LARP4B: variants seen among roughly 807,000 people sequenced by gnomAD.
LARP4B encodes the protein La ribonucleoprotein 4B, also known as la-related protein 4B.
In LARP4B, 12 loss-of-function variants were observed where a neutral mutation model predicts 89.8. The observed-to-expected ratio is 0.13, with a 90% CI of 0.09 to 0.22. The LOEUF is 0.22. Among genes scored for constraint, LARP4B ranks in the 10% least tolerant of loss-of-function variants. The pLI, the probability that LARP4B is intolerant of heterozygous loss-of-function variation, is 1.00. For missense variants in LARP4B, 757 were observed against 947.7 expected (o/e 0.80, Z 2.64); for synonymous variants, 367 against 363.3 (o/e 1.01, Z -0.12).
At chr10:900,342 A>G (rs2131983950) in intron 1 of LARP4B, among the ~76,000 whole-genome samples, 1 of 151,052 alleles carries the variant, frequency 6.6e-6, no homozygotes, top group East Asian at 2.0e-4. Context: ...ACAAAACTCC[A>G]TCTCAAAAAA....
chr10:833,663 G>A (rs1833047163), intron 8 of LARP4B, among the ~76,000 whole-genome samples: 1 of 152,136 alleles, frequency 6.6e-6, no homozygotes, highest in South Asian at 2.1e-4. Flanking sequence ...AGGCCGAGGA[G>A]GACGGATCAC....
At chr10:816,806 C>T (rs1000074796) in intron 15 of LARP4B, among the ~76,000 whole-genome samples, 7 of 152,236 alleles carry the variant, frequency 4.6e-5, no homozygotes, top group African/African-American at 1.7e-4. Context: ...ACCTGGCTTT[C>T]ATTGTAAAGA....
chr10:820,954 C>A, intron 13 of LARP4B, 109 bp from the exon 14 acceptor site: 1 of 903,062 alleles, frequency 1.1e-6, no homozygotes, highest in South Asian at 1.6e-5. Context: ...CAGTCTTTAT[C>A]ACTTTGAAAC....
At chr10:892,118 G>T (rs913871030) in intron 1 of LARP4B, among the ~76,000 whole-genome samples, 2 of 152,200 alleles carry the variant, frequency 1.3e-5, no homozygotes, top group Non-Finnish European at 2.9e-5. Context: ...CCACACAGCC[G>T]ACCAAGGAGT....
chr10:820,362 G>T (rs1832289838), intron 14 of LARP4B: 1 of 164,332 alleles, frequency 6.1e-6, no homozygotes. Context: ...TACACAGTGG[G>T]AGAGTATTCG....
upstream of LARP4B, among the ~76,000 whole-genome samples, chr10:935,894 GT>G (rs545562138): frequency 8.0e-4 from 115 of 142,966 alleles, no homozygotes; most frequent in East Asian, 0.014. Context: ...AATTTTTGTT[GT>G]TTTTTTTTTT....
At chr10:884,552 G>A in intron 2 of LARP4B, 46 bp from the exon 3 acceptor site, 1 of 1,286,882 alleles carries the variant, frequency 7.8e-7, no homozygotes, top group Non-Finnish European at 1.1e-6. Context: ...TGTTTAAAAA[G>A]AAACAACATA....
chr10:900,634 T>C (rs1320999837), intron 1 of LARP4B, among the ~76,000 whole-genome samples: 1 of 149,596 alleles, frequency 6.7e-6, no homozygotes, highest in African/African-American at 2.4e-5. Context: ...TTTTTTTTTT[T>C]TGTGAGAAGC....
chr10:921,129 C>T (rs1442497872), intron 1 of LARP4B, among the ~76,000 whole-genome samples: 1 of 151,964 alleles, frequency 6.6e-6, no homozygotes, highest in Non-Finnish European at 1.5e-5. Context: ...CAAAACTAGC[C>T]AGGCGTGGTG....
intron 1 of LARP4B, among the ~76,000 whole-genome samples, chr10:916,078 T>C (rs1836812851): frequency 6.6e-6 from 1 of 152,192 alleles, no homozygotes; most frequent in African/African-American, 2.4e-5. Flanking sequence ...CTTTGTCAAA[T>C]AAGAAATGGT....
the LARP4B span, among the ~76,000 whole-genome samples, chr10:939,436 C>T: frequency 6.6e-6 from 1 of 152,194 alleles, no homozygotes; most frequent in Non-Finnish European, 1.5e-5. Flanking sequence ...TTTGCAGAAG[C>T]CCACATTAAA....
chr10:909,998 G>A (rs1836623197), intron 1 of LARP4B, among the ~76,000 whole-genome samples: 2 of 152,130 alleles, frequency 1.3e-5, no homozygotes, highest in Admixed American at 1.3e-4. Flanking sequence ...AGCTATGTGA[G>A]GTATGCAGGC....
rs148335762 is a variant in LARP4B at position 885,829 on chromosome 10, A to G, written c.-39-69T>C. ...AGTATGATTATTTAAATAAAATTAA[A>G]ATCCTCAAGTTTTCCAGGACACACG... On this transcript the variant is annotated intron_variant, in intron 1 of 17. Coordinates refer to ENST00000316157, the MANE Select transcript of LARP4B (RefSeq NM_015155.3). The G allele has an allele frequency of 3.8e-5, 30 of 783,082 alleles. No individual in the cohort carries two copies. The Middle Eastern group carries it at 8.9e-4, about 23-fold the overall frequency. The allele number at this position is 783,082 out of a possible 1,614,324, so 48.5% of individuals were successfully genotyped here.
intron 3 of LARP4B, among the ~76,000 whole-genome samples, chr10:874,966 T>C (rs552535678): frequency 6.6e-6 from 1 of 152,178 alleles, no homozygotes; most frequent in Admixed American, 6.5e-5. Flanking sequence ...ACCCCCAAGG[T>C]AGATACTACT....
intron 3 of LARP4B, among the ~76,000 whole-genome samples, chr10:864,900 C>T (rs1035915513): frequency 6.6e-6 from 1 of 152,182 alleles, no homozygotes; most frequent in Non-Finnish European, 1.5e-5. Context: ...TTGCAGTAAG[C>T]TGAGATCGCA....
At chr10:840,200 A>G (rs964004825) in intron 7 of LARP4B, among the ~76,000 whole-genome samples, 4 of 152,094 alleles carry the variant, frequency 2.6e-5, no homozygotes, top group Non-Finnish European at 5.9e-5. Flanking sequence ...ATATGTTAAA[A>G]CTTACGAAAT....
At chr10:862,256 TAAAAAAAAAAAA>T (rs10661482) in intron 5 of LARP4B, among the ~76,000 whole-genome samples, 3 of 84,396 alleles carry the variant, frequency 3.6e-5, no homozygotes, top group Non-Finnish European at 6.4e-5. Context: ...CCACTGAAGT[TAAAAAAAAAAAA>T]AAAAAAAAAA....
intron 8 of LARP4B, among the ~76,000 whole-genome samples, chr10:835,952 C>T (rs900787616): frequency 6.6e-6 from 1 of 151,618 alleles, no homozygotes; most frequent in East Asian, 1.9e-4. Context: ...AAAAAAATTA[C>T]TCCCCAAGTT....
At chr10:974,214 G>T in the LARP4B span, among the ~76,000 whole-genome samples, 13 of 152,128 alleles carry the variant, frequency 8.5e-5, no homozygotes, top group African/African-American at 3.1e-4. Context: ...GAGGGGCAGT[G>T]GTCAAGGTCC....
Sources: gnomAD v4.1 joint callset for allele counts (sites outside exome capture counted in the v4.1 genomes callset) on GRCh38, gnomAD v4.1.1 for gene constraint, MANE v1.5 for transcripts, NCBI Gene and HGNC (gene_info 2026-07-23, HGNC 2026-07-21) for gene names.